The following CACNA2D3 variants were observed in gnomAD, a reference collection of about 807,000 sequenced individuals.
CACNA2D3 encodes calcium voltage-gated channel auxiliary subunit alpha2delta 3.
Under a neutral mutation model 160.6 loss-of-function variants are expected in CACNA2D3, and 60 were observed. The ratio of observed to expected loss-of-function variants is 0.37; its 90% CI spans 0.30 to 0.46. The LOEUF (loss-of-function observed/expected upper bound fraction) is 0.46, where lower values mean the gene tolerates loss of function less well. Ranked by LOEUF, CACNA2D3 falls within the 20% of genes least tolerant of loss-of-function variation. CACNA2D3 has a pLI of 1.00. For synonymous variants in CACNA2D3, 558 were observed against 492.9 expected (o/e 1.13, Z -1.75); for missense variants, 1,205 against 1,365.0 (o/e 0.88, Z 1.85).
At chr3:55,025,370 A>T (rs1357365060) in intron 35 of CACNA2D3, among the ~76,000 whole-genome samples, 1 of 152,004 alleles carries the variant, frequency 6.6e-6, no homozygotes, top group South Asian at 2.1e-4. Context: ...GGTGGCTCAC[A>T]TCTGTAATCC....
At chr3:54,329,703 C>T (rs1160567535) in intron 3 of CACNA2D3, among the ~76,000 whole-genome samples, 1 of 152,112 alleles carries the variant, frequency 6.6e-6, no homozygotes, top group Non-Finnish European at 1.5e-5. Context: ...GGGTGAATTA[C>T]TGATGTGTTA....
intron 3 of CACNA2D3, among the ~76,000 whole-genome samples, chr3:54,333,646 C>G (rs1018644438): frequency 6.6e-6 from 1 of 151,400 alleles, no homozygotes; most frequent in African/African-American, 2.4e-5. Context: ...GGGGAGGGAG[C>G]TGGGAAGTGC....
intron 35 of CACNA2D3, among the ~76,000 whole-genome samples, chr3:55,064,138 C>T (rs971910976): frequency 6.6e-6 from 1 of 152,234 alleles, no homozygotes; most frequent in African/African-American, 2.4e-5. Context: ...CTCCCTCCCA[C>T]TAGCCACAGG....
intron 5 of CACNA2D3, among the ~76,000 whole-genome samples, chr3:54,518,279 CTGATACCCCTACAGCATGATGGGGAG>C (rs1701587084): frequency 6.6e-6 from 1 of 152,084 alleles, no homozygotes; most frequent in African/African-American, 2.4e-5. Context: ...TCCGTAAGGC[CTGATACCCCTACAGCATGATGGGGAG>C]AAGCTACCTG....
chr3:54,547,225 C>T (rs1221966098), intron 5 of CACNA2D3, among the ~76,000 whole-genome samples: 2 of 152,154 alleles, frequency 1.3e-5, no homozygotes, highest in Admixed American at 6.5e-5. Flanking sequence ...TAATTCCTAG[C>T]GTGTATCATA....
chr3:54,304,951 C>T (rs879836177), intron 2 of CACNA2D3, among the ~76,000 whole-genome samples: 12 of 151,850 alleles, frequency 7.9e-5, no homozygotes, highest in Non-Finnish European at 1.5e-4. Context: ...ATAAACACAA[C>T]ACACTTGTAT....
At chr3:54,408,265 G>C (rs562238785) in intron 4 of CACNA2D3, among the ~76,000 whole-genome samples, 1 of 152,268 alleles carries the variant, frequency 6.6e-6, no homozygotes, top group East Asian at 1.9e-4. Context: ...AGTCTGGATT[G>C]AGTGGAGCTT....
At chr3:54,424,057 G>A (rs1001269655) in intron 4 of CACNA2D3, among the ~76,000 whole-genome samples, 8 of 152,098 alleles carry the variant, frequency 5.3e-5, no homozygotes, top group African/African-American at 1.4e-4. Context: ...ACATGCTAAT[G>A]TTTTCCGGGT....
intron 14 of CACNA2D3, among the ~76,000 whole-genome samples, chr3:54,818,856 G>A (rs1265564937): frequency 6.6e-6 from 1 of 152,174 alleles, no homozygotes; most frequent in East Asian, 1.9e-4. Context: ...AGATCTATGC[G>A]ACATGGTTTC....
At chr3:54,231,726 T>C (rs1423371876) in intron 2 of CACNA2D3, among the ~76,000 whole-genome samples, 1 of 152,180 alleles carries the variant, frequency 6.6e-6, no homozygotes, top group Non-Finnish European at 1.5e-5. Flanking sequence ...TGAATGAATG[T>C]TTTTCACAAG....
At chr3:54,468,882 C>T (rs1700677953) in intron 4 of CACNA2D3, among the ~76,000 whole-genome samples, 1 of 152,180 alleles carries the variant, frequency 6.6e-6, no homozygotes, top group South Asian at 2.1e-4. Flanking sequence ...TCTCTTGCCT[C>T]CTTTCTGGGT....
chr3:54,497,824 A>G (rs1265415654), intron 4 of CACNA2D3, among the ~76,000 whole-genome samples: 1 of 151,954 alleles, frequency 6.6e-6, no homozygotes, highest in African/African-American at 2.4e-5. Context: ...ATTGAATTCT[A>G]TCACATGCTT....
At chr3:54,138,329 A>G (rs1329730224) in intron 2 of CACNA2D3, among the ~76,000 whole-genome samples, 1 of 152,138 alleles carries the variant, frequency 6.6e-6, no homozygotes, top group African/African-American at 2.4e-5. Flanking sequence ...CATGCTGGGG[A>G]GCAGTGGGGA....
intron 3 of CACNA2D3, among the ~76,000 whole-genome samples, chr3:54,341,165 TCTC>T (rs1007894280): frequency 1.3e-5 from 2 of 152,178 alleles, no homozygotes; most frequent in Non-Finnish European, 2.9e-5. Context: ...AGCTAATACT[TCTC>T]CTATGTTGCT....
intron 4 of CACNA2D3, among the ~76,000 whole-genome samples, chr3:54,438,327 T>C (rs1432806745): frequency 6.6e-6 from 1 of 152,208 alleles, no homozygotes; most frequent in African/African-American, 2.4e-5. Flanking sequence ...TAAGGGGTTT[T>C]AGTTACTAAT....
intron 33 of CACNA2D3, among the ~76,000 whole-genome samples, chr3:55,008,677 GATA>G (rs1703147409): frequency 6.6e-6 from 1 of 152,124 alleles, no homozygotes; most frequent in Non-Finnish European, 1.5e-5. Context: ...AACATTAACA[GATA>G]ATAGTGGGAT....
intron 2 of CACNA2D3, among the ~76,000 whole-genome samples, chr3:54,270,494 G>A (rs187248063): frequency 3.9e-5 from 6 of 152,142 alleles, no homozygotes; most frequent in South Asian, 2.1e-4. Flanking sequence ...TCAACCATCC[G>A]TAGGAGACCC....
intron 3 of CACNA2D3, among the ~76,000 whole-genome samples, chr3:54,373,759 T>G (rs546244903): frequency 1.3e-5 from 2 of 152,328 alleles, no homozygotes; most frequent in Middle Eastern, 6.8e-3. Context: ...GGAGTTGCCT[T>G]GAGCTGGGTC....
At chr3:54,897,042 T>C in intron 26 of CACNA2D3, 172 bp downstream of exon 26, 1 of 647,244 alleles carries the variant, frequency 1.5e-6, no homozygotes, top group African/African-American at 1.8e-5. Context: ...ATAAGAGTAA[T>C]AGCCTCAAAG....
Sources: gnomAD v4.1 joint callset for allele counts (sites outside exome capture counted in the v4.1 genomes callset) on GRCh38, gnomAD v4.1.1 for gene constraint, MANE v1.5 for transcripts, NCBI Gene and HGNC (gene_info 2026-07-23, HGNC 2026-07-21) for gene names.